The following SOX5 variants were observed in gnomAD, a reference collection of about 807,000 sequenced individuals.
The protein encoded by SOX5 is transcription factor SOX-5.
Under a neutral mutation model 92.0 loss-of-function variants are expected in SOX5, and 9 were observed. That is an observed-to-expected ratio of 0.10 (90% CI 0.06 to 0.17). SOX5 has a LOEUF of 0.17. SOX5 is among the 10% of genes least tolerant of loss of function. SOX5 has a pLI of 1.00. For synonymous variants in SOX5, 344 were observed against 336.3 expected (o/e 1.02, Z -0.25); for missense variants, 642 against 944.5 (o/e 0.68, Z 4.20).
intron 1 of SOX5, among the ~76,000 whole-genome samples, chr12:24,461,974 C>T (rs546705216): frequency 3.9e-5 from 6 of 152,258 alleles, no homozygotes; most frequent in Non-Finnish European, 7.4e-5. Context: ...TATTCTCCAC[C>T]GCAAACTGAA....
chr12:23,626,826 C>T lies in SOX5; in HGVS notation c.1017+13986G>A, dbSNP rs147884584. On this transcript the variant is annotated intron_variant, in intron 8 of 14. Coordinates refer to ENST00000451604, the MANE Select transcript of SOX5 (RefSeq NM_006940.6). ...ACATCACTTCTGAGGCAGGTTGAGA[C>T]TAGAACCCTTAATCCATTTATGCCA... Among the ~76,000 whole-genome samples the T allele has an allele frequency of 1.8e-3, 273 of 152,174 alleles. 5 individuals are homozygous for T. Among genetic ancestry groups the T allele is most frequent in the Admixed American group, 0.016 (243 of 15,290 alleles).
At chr12:24,110,889 A>C (rs909974427) in intron 4 of SOX5, among the ~76,000 whole-genome samples, 2 of 127,006 alleles carry the variant, frequency 1.6e-5, no homozygotes, top group African/African-American at 5.9e-5. Flanking sequence ...CGACAGCGCG[A>C]GACTCCACTT....
chr12:24,373,889 G>C (rs895948812), intron 1 of SOX5, among the ~76,000 whole-genome samples: 2 of 152,128 alleles, frequency 1.3e-5, no homozygotes, highest in African/African-American at 4.8e-5. Flanking sequence ...GAGGAGGTTG[G>C]CCACCCTCTA....
At position 23,778,327 on chromosome 12, in the gene SOX5, T is replaced by C. The variant is rs2095171533; in HGVS notation, c.482-22603A>G. On this transcript the variant is annotated intron_variant, in intron 3 of 14. Coordinates refer to ENST00000451604, the MANE Select transcript of SOX5 (RefSeq NM_006940.6). Reference sequence around the variant, plus strand: ...TTTAGACACAAAGGAAAGACATGAATGTGGAAGGTCTACAGAGGAAAACGA... The same window carrying C: ...TTTAGACACAAAGGAAAGACATGAACGTGGAAGGTCTACAGAGGAAAACGA... Among the ~76,000 whole-genome samples, 6 of 152,310 alleles carry C rather than the reference T, an allele frequency of 3.9e-5. No homozygotes were observed. The South Asian group carries it at 8.3e-4, about 21-fold the overall frequency.
intron 1 of SOX5, among the ~76,000 whole-genome samples, chr12:24,523,373 G>T (rs933203514): frequency 2.6e-5 from 4 of 152,086 alleles, no homozygotes; most frequent in Non-Finnish European, 5.9e-5. Flanking sequence ...ATATTTACAG[G>T]GTTAGAAAAA....
chr12:24,236,425 A>G (rs974258932), intron 3 of SOX5, among the ~76,000 whole-genome samples: 1 of 152,198 alleles, frequency 6.6e-6, no homozygotes, highest in African/African-American at 2.4e-5. Flanking sequence ...AACTGTGAAG[A>G]TGAAATTTAG....
At chr12:24,165,405 A>G (rs968172816) in intron 4 of SOX5, among the ~76,000 whole-genome samples, 2 of 152,164 alleles carry the variant, frequency 1.3e-5, no homozygotes, top group African/African-American at 4.8e-5. Flanking sequence ...TTCCTATTTT[A>G]TTTCTGAAAT....
At chr12:23,646,293 G>A (rs2080840364) in intron 7 of SOX5, among the ~76,000 whole-genome samples, 1 of 152,116 alleles carries the variant, frequency 6.6e-6, no homozygotes, top group Non-Finnish European at 1.5e-5. Context: ...TCTCACCTCA[G>A]TCTCTTGGGT....
intron 1 of SOX5, among the ~76,000 whole-genome samples, chr12:24,489,869 G>T (rs909007023): frequency 2.0e-5 from 3 of 152,180 alleles, no homozygotes; most frequent in Non-Finnish European, 4.4e-5. Flanking sequence ...TTTCTCTCAG[G>T]CTTTGCTAAC....
chr12:24,215,396 C>T (rs1009006738), intron 3 of SOX5, among the ~76,000 whole-genome samples: 2 of 151,982 alleles, frequency 1.3e-5, no homozygotes, highest in African/African-American at 4.8e-5. Context: ...AGAACAAGTT[C>T]AGTAAGGTTG....
chr12:23,634,737 T>C (rs539823289), intron 8 of SOX5, among the ~76,000 whole-genome samples: 3 of 152,268 alleles, frequency 2.0e-5, no homozygotes, highest in African/African-American at 7.2e-5. Flanking sequence ...ATTCAAACTG[T>C]TTTTTTCTTC....
At chr12:23,806,299 T>C (rs1229736617) in intron 3 of SOX5, among the ~76,000 whole-genome samples, 1 of 152,046 alleles carries the variant, frequency 6.6e-6, no homozygotes, top group East Asian at 1.9e-4. Context: ...AGGACAAGAA[T>C]ATAAAGGACA....
chr12:23,838,598 CTT>C (rs1297494702), intron 3 of SOX5, among the ~76,000 whole-genome samples: 1 of 151,894 alleles, frequency 6.6e-6, no homozygotes, highest in African/African-American at 2.4e-5. Context: ...TGTATTTTCT[CTT>C]TGTCTTTATT....
chr12:24,201,952 T>C (rs77386951), intron 4 of SOX5, among the ~76,000 whole-genome samples: 218 of 152,360 alleles, frequency 1.4e-3, no homozygotes, highest in African/African-American at 5.1e-3. Flanking sequence ...AGAATACACT[T>C]GGCTCTTCAT....
intron 4 of SOX5, among the ~76,000 whole-genome samples, chr12:23,961,775 A>G (rs1946971085): frequency 6.6e-6 from 1 of 152,334 alleles, no homozygotes; most frequent in Non-Finnish European, 1.5e-5. Flanking sequence ...TTACCAGAAG[A>G]AAAAATCAGA....
intron 1 of SOX5, among the ~76,000 whole-genome samples, chr12:24,405,716 G>A (rs942220085): frequency 1.3e-5 from 2 of 152,058 alleles, no homozygotes; most frequent in South Asian, 2.1e-4. Flanking sequence ...ATGACAGATC[G>A]GGAGATTCAA....
At chr12:23,556,607 C>T (rs765042696) in intron 11 of SOX5, among the ~76,000 whole-genome samples, 3 of 152,178 alleles carry the variant, frequency 2.0e-5, no homozygotes, top group African/African-American at 4.8e-5. Flanking sequence ...CCTAACATGC[C>T]TACTTCCTTT....
rs192410186 is a variant in SOX5, at chr12:24,473,912, T to C, written c.-251+88417A>G. ...CTCATGTTTGTAGATACATAAGAGA[T>C]GAAAAACAGGCAATGCTCAGCAAAA... On this transcript the variant is annotated intron_variant, in intron 1 of 4. Coordinates refer to the SOX5 transcript ENST00000446891. Among the ~76,000 whole-genome samples the C allele has an allele frequency of 2.9e-3, 446 of 152,310 alleles. 1 individual carries two copies. The highest frequency in any genetic ancestry group is 0.01 in the African/African-American group (425 of 41,568).
chr12:23,814,794 T>C (rs2095953605), intron 3 of SOX5, among the ~76,000 whole-genome samples: 1 of 152,222 alleles, frequency 6.6e-6, no homozygotes, highest in Admixed American at 6.5e-5. Context: ...CATTTTAATA[T>C]ATAGGAAAAG....
Sources: allele counts gnomAD v4.1 joint callset (sites outside exome capture counted in the v4.1 genomes callset), GRCh38; gene constraint gnomAD v4.1.1; transcripts MANE v1.5; gene names NCBI Gene and HGNC (gene_info 2026-07-23, HGNC 2026-07-21).